ZFAT: variants seen among roughly 807,000 people sequenced by gnomAD.
ZFAT encodes the protein zinc finger protein ZFAT.
A neutral mutation model predicts 117.7 loss-of-function variants in ZFAT; 64 were observed. The ratio of observed to expected loss-of-function variants is 0.54; its 90% CI spans 0.44 to 0.67. The LOEUF (loss-of-function observed/expected upper bound fraction) is 0.67, where lower values mean the gene tolerates loss of function less well. Among genes scored for constraint, ZFAT ranks in the 30% least tolerant of loss-of-function variants. The pLI, the probability that ZFAT is intolerant of heterozygous loss-of-function variation, is 0.00. For missense variants in ZFAT, 1,433 were observed against 1,584.5 expected, an observed-to-expected ratio of 0.90 and a Z score of 1.62; for synonymous variants, 679 against 615.0, an observed-to-expected ratio of 1.10 and a Z score of -1.54.
the ZFAT span, among the ~76,000 whole-genome samples, chr8:134,798,851 A>G: frequency 6.2e-4 from 95 of 152,286 alleles, no homozygotes; most frequent in African/African-American, 2.1e-3. Context: ...GAAAAATTCT[A>G]TATTTTATGC....
rs1821530440 is a variant in ZFAT at position 134,532,907 on chromosome 8, G to A, written c.3042C>T (p.Asn1014=). The change falls in exon 12 of 16, where the codon AAC becomes AAT. Residue 1014 remains asparagine, a synonymous_variant. Coordinates refer to ENST00000377838, the MANE Select transcript of ZFAT (RefSeq NM_020863.4). ...CATACTCCTCATTAGGGTGCTTCCTGTTGTAGTGCCGCTTCAGAGAGCCAG... is the reference window on the plus strand; with the variant it reads ...CATACTCCTCATTAGGGTGCTTCCTATTGTAGTGCCGCTTCAGAGAGCCAG... The part of the protein sequence containing the change: ...NISGSLKRHY[N]RKHPNEEYAN... The A allele has an allele frequency of 1.9e-6, 3 of 1,609,614 alleles. No individual in the cohort carries two copies. In the South Asian group the frequency reaches 3.3e-5, roughly 18 times the overall value.
At chr8:134,705,523 T>C (rs907794994) in intron 1 of ZFAT, among the ~76,000 whole-genome samples, 29 of 151,612 alleles carry the variant, frequency 1.9e-4, no homozygotes, top group Admixed American at 9.2e-4. Context: ...AGCCCCCAAT[T>C]TATTTTTTAT....
intron 11 of ZFAT, among the ~76,000 whole-genome samples, chr8:134,546,724 G>T (rs1354287897): frequency 1.3e-5 from 2 of 152,180 alleles, no homozygotes; most frequent in Non-Finnish European, 2.9e-5. Context: ...TAATTGGCAG[G>T]GGTTTCTGGA....
the ZFAT span, among the ~76,000 whole-genome samples, chr8:134,736,131 G>A: frequency 2.6e-5 from 4 of 152,042 alleles, no homozygotes. Context: ...CATCAACAGC[G>A]AGATTCAGGG....
Position 134,610,635 on chromosome 8 carries a change from G to C in ZFAT, c.469C>G (p.Leu157Val). The part of the protein sequence containing the change: ...GEAGNESDLE[L>V]EKKCKEDDRE... ...TCATCTTCCTTACACTTCTTTTCTA[G>C]TTCAAGGTCAGACTCGTTACCTAAG... Residue 157 changes from leucine (L) to valine (V), a missense_variant, in exon 4 of 16, where the codon CTA (leucine) becomes GTA (valine). Around this residue, in one of 5 missense-constraint regions of ZFAT, gnomAD observed 436 missense variants for 482.0 expected, o/e 0.90. Transcript: ENST00000377838. The C allele has an allele frequency of 3.7e-6, 6 of 1,614,036 alleles. No homozygotes were observed. The highest frequency in any genetic ancestry group is 5.1e-6 in the Non-Finnish European group (6 of 1,180,000).
At chr8:134,562,281 T>C (rs1563851353) in intron 11 of ZFAT, among the ~76,000 whole-genome samples, 1 of 152,242 alleles carries the variant, frequency 6.6e-6, no homozygotes, top group Admixed American at 6.5e-5. Context: ...CACCTTGATT[T>C]TATCTTAGTG....
chr8:134,801,348 T>C, the ZFAT span, among the ~76,000 whole-genome samples: 1 of 152,138 alleles, frequency 6.6e-6, no homozygotes, highest in Non-Finnish European at 1.5e-5. Flanking sequence ...CCCACAAATA[T>C]CTCCACTAAC....
intron 3 of ZFAT, among the ~76,000 whole-genome samples, chr8:134,622,765 C>G (rs1309729437): frequency 1.3e-5 from 2 of 152,036 alleles, no homozygotes; most frequent in Non-Finnish European, 2.9e-5. Context: ...TGGGGAAAGT[C>G]GGGGATGGGG....
intron 15 of ZFAT, among the ~76,000 whole-genome samples, chr8:134,500,510 T>C (rs935746090): frequency 1.2e-4 from 18 of 152,194 alleles, no homozygotes; most frequent in African/African-American, 4.3e-4. Flanking sequence ...GCCACAGATA[T>C]ATCATGGGGC....
intron 12 of ZFAT, among the ~76,000 whole-genome samples, chr8:134,527,264 T>C (rs1421437372): frequency 6.6e-6 from 1 of 152,208 alleles, no homozygotes; most frequent in African/African-American, 2.4e-5. Flanking sequence ...CACTTTGATG[T>C]TAACTTGGTG....
At chr8:134,745,197 T>C in the ZFAT span, among the ~76,000 whole-genome samples, 1 of 152,162 alleles carries the variant, frequency 6.6e-6, no homozygotes, top group Non-Finnish European at 1.5e-5. Context: ...CTGCTCACAC[T>C]TGAGGGAAGG....
At chr8:134,539,125 G>C (rs1289972034) in intron 11 of ZFAT, among the ~76,000 whole-genome samples, 1 of 152,186 alleles carries the variant, frequency 6.6e-6, no homozygotes, top group Non-Finnish European at 1.5e-5. Flanking sequence ...AACCTGATTA[G>C]AAGACATCTA....
chr8:134,824,869 A>G, the ZFAT span, among the ~76,000 whole-genome samples: 1 of 152,366 alleles, frequency 6.6e-6, no homozygotes, highest in East Asian at 1.9e-4. Context: ...GGTTGGACAA[A>G]TACTAGTGTA....
intron 1 of ZFAT, among the ~76,000 whole-genome samples, chr8:134,712,003 A>G (rs1306376307): frequency 6.6e-6 from 1 of 152,166 alleles, no homozygotes; most frequent in African/African-American, 2.4e-5. Flanking sequence ...CTCCAGCAAA[A>G]AAAGCCAGAC....
At position 134,602,483 on chromosome 8, in the gene ZFAT, C is replaced by T. The variant is rs1827571164; in HGVS notation, c.1236G>A (p.Lys412=). 3.1e-6 allele frequency: 5 copies of T among 1,613,906 alleles called. No individual in the cohort carries two copies. The highest frequency in any genetic ancestry group is 2.2e-5 in the East Asian group (1 of 44,882). Residue 412 remains lysine (K), a synonymous_variant, in exon 6 of 16, where the codon AAG becomes AAA. Transcript: ENST00000377838. ...GGTCACGGTCCAGCTCGTTCTTGAA[C>T]TTGCGCTCACAGATGTGGCAGTCAT... The part of the protein sequence containing the change: ...LLYDCHICER[K]FKNELDRDRH...
the ZFAT span, chr8:134,795,664 T>C: frequency 5.3e-5 from 8 of 152,298 alleles, no homozygotes; most frequent in East Asian, 1.9e-4. Flanking sequence ...AGATAATAGA[T>C]TGGGACAGGT....
chr8:134,599,468 C>G (rs935984295), intron 7 of ZFAT: 3 of 260,000 alleles, frequency 1.2e-5, no homozygotes. Context: ...AAGGCTATTT[C>G]ATACAGGTCT....
At chr8:134,828,055 A>C in the ZFAT span, among the ~76,000 whole-genome samples, 603 of 152,314 alleles carry the variant, frequency 4.0e-3, 5 homozygotes, top group African/African-American at 0.014. Flanking sequence ...TAAAAATTGT[A>C]ATTGTGTCCT....
chr8:134,629,563 G>A (rs7818130), intron 3 of ZFAT, among the ~76,000 whole-genome samples: 91,072 of 151,882 alleles, frequency 0.6, 27,522 homozygotes, highest in Admixed American at 0.68. Context: ...GATCATGGGG[G>A]TGGATTTCCT....
Sources: gnomAD v4.1 joint callset for allele counts (sites outside exome capture counted in the v4.1 genomes callset) on GRCh38, gnomAD v4.1.1 for gene constraint, gnomAD v4.1.1 regional missense constraint, MANE v1.5 for transcripts, NCBI Gene and HGNC (gene_info 2026-07-23, HGNC 2026-07-21) for gene names.